Variants in LRIF1 observed in about 807,000 individuals in gnomAD.
LRIF1 encodes ligand-dependent nuclear receptor-interacting factor 1.
Under a neutral mutation model 52.7 loss-of-function variants are expected in LRIF1, and 32 were observed. The observed-to-expected ratio is 0.61, with a 90% CI of 0.46 to 0.82. The LOEUF is 0.82. LRIF1 is among the 40% of genes least tolerant of loss of function. LRIF1 has a pLI of 0.00. For synonymous variants in LRIF1, 323 were observed against 317.4 expected, an observed-to-expected ratio of 1.02 and a Z score of -0.19; for missense variants, 887 against 892.0, an observed-to-expected ratio of 0.99 and a Z score of 0.07.
chr1:110,891,437 A>G, the LRIF1 span: 2 of 1,613,916 alleles, frequency 1.2e-6, no homozygotes, highest in Non-Finnish European at 1.7e-6. Context: ...AAACTGCTGA[A>G]GTATGTCCTG....
chr1:110,956,765 ATGG>A (rs1658716213), intron 1 of LRIF1, among the ~76,000 whole-genome samples: 1 of 152,202 alleles, frequency 6.6e-6, no homozygotes, highest in Non-Finnish European at 1.5e-5. Context: ...GGTGAGCTAG[ATGG>A]TGAACTAAGC....
rs1291542712 is a variant in LRIF1 at position 110,948,253 on chromosome 1, A to C, written c.2016T>G (p.Thr672=). The change falls in exon 4 of 4, where the codon ACT becomes ACG. Residue 672 remains threonine, a synonymous_variant. Coordinates refer to ENST00000369763, the MANE Select transcript of LRIF1 (RefSeq NM_018372.4). ...GAATGTTATGTTGTGACACATCTGA[A>C]GTTGGTAAAATACTGCTTAGGAGTT... ...GSQLLSSILP[T]SDVSQHNILT... 1 of 1,614,068 alleles carries C rather than the reference A, an allele frequency of 6.2e-7. No homozygotes were observed. Among genetic ancestry groups the C allele is most frequent in the East Asian group, 2.2e-5 (1 of 44,862 alleles).
the LRIF1 span, among the ~76,000 whole-genome samples, chr1:110,933,548 G>A: frequency 6.6e-6 from 1 of 152,158 alleles, no homozygotes; most frequent in East Asian, 1.9e-4. Context: ...GCTGAGGAGG[G>A]AGAGCACAGC....
At chr1:110,932,579 G>A in the LRIF1 span, among the ~76,000 whole-genome samples, 3 of 152,172 alleles carry the variant, frequency 2.0e-5, no homozygotes, top group Non-Finnish European at 2.9e-5. Context: ...TGGGCAATAC[G>A]GCCATTTTTA....
intron 1 of LRIF1, among the ~76,000 whole-genome samples, chr1:110,956,109 AAAGT>A (rs1467331759): frequency 6.6e-6 from 1 of 152,208 alleles, no homozygotes; most frequent in Non-Finnish European, 1.5e-5. Context: ...TCATCTGCTA[AAAGT>A]AAGAGCAAAA....
At position 110,950,801 on chromosome 1, in the gene LRIF1, C is replaced by T. The variant is rs183469237; in HGVS notation, c.1596+487G>A. Among the ~76,000 whole-genome samples the T allele has an allele frequency of 1.3e-3, 202 of 151,848 alleles. 1 individual carries two copies. The highest frequency in any genetic ancestry group is 6.8e-3 in the Middle Eastern group (2 of 292). ...AAATTACTGAAAGGTATTGATTAGC[C>T]CTGTCTCACCTTTTCCATGGTATAC... On this transcript the variant is annotated intron_variant, in intron 2 of 3. Transcript: ENST00000369763.
chr1:110,902,804 C>T, the LRIF1 span, among the ~76,000 whole-genome samples: 3 of 152,176 alleles, frequency 2.0e-5, no homozygotes, highest in Admixed American at 2.0e-4. Flanking sequence ...CACAAAAAAC[C>T]ACCTTCGTAT....
At chr1:110,926,041 T>C in the LRIF1 span, among the ~76,000 whole-genome samples, 1 of 152,044 alleles carries the variant, frequency 6.6e-6, no homozygotes, top group African/African-American at 2.4e-5. Flanking sequence ...ATAAATATGA[T>C]GGATGGAAAA....
At chr1:110,953,456 T>C (rs1470597484) in intron 1 of LRIF1, among the ~76,000 whole-genome samples, 1 of 152,198 alleles carries the variant, frequency 6.6e-6, no homozygotes, top group African/African-American at 2.4e-5. Context: ...ATTATTTATA[T>C]TAGTCAATTG....
At position 110,953,494 on chromosome 1, in the gene LRIF1, A is replaced by G. The variant is rs140423945; in HGVS notation, c.69-679T>C. On this transcript the variant is annotated intron_variant, in intron 1 of 3. Coordinates refer to ENST00000369763, the MANE Select transcript of LRIF1 (RefSeq NM_018372.4). ...AATCACCTATCAACCCATACATATA[A>G]TACCACTGCAATTTCAGCTGAATGG... Among the ~76,000 whole-genome samples, 202 of 152,330 alleles carry G rather than the reference A, an allele frequency of 1.3e-3. 1 individual carries two copies. Among genetic ancestry groups the G allele is most frequent in the Middle Eastern group, 6.8e-3 (2 of 294 alleles).
the LRIF1 span, among the ~76,000 whole-genome samples, chr1:110,914,565 C>T: frequency 6.6e-6 from 1 of 152,080 alleles, no homozygotes; most frequent in East Asian, 1.9e-4. Flanking sequence ...ACCAGCCTGA[C>T]CAACGTGGTG....
At chr1:110,958,463 G>GAGTGA (rs1553211555) in intron 1 of LRIF1, among the ~76,000 whole-genome samples, 11 of 152,100 alleles carry the variant, frequency 7.2e-5, no homozygotes, top group Non-Finnish European at 1.5e-5. Context: ...TTTTTAAAAT[G>GAGTGA]AGTATTGTTT....
chr1:110,963,667 C>A lies in LRIF1; in HGVS notation c.22G>T (p.Val8Phe). 6.2e-7 allele frequency: 1 copy of A among 1,609,694 alleles called. No homozygotes were observed. The change falls in exon 1 of 4, where the codon GTC becomes TTC. Residue 8 changes from valine to phenylalanine, a missense_variant. By Grantham distance (50) the Val-to-Phe change is conservative. Transcript: ENST00000369763. Reference protein sequence around the residue: MSNNLRRVFLKPAEENSG... With the variant: MSNNLRRFFLKPAEENSG... The stretch of plus-strand genomic sequence containing the variant: ...TTTTCCTCTGCGGGTTTCAGGAAGA[C>A]CCTCCGTAGGTTATTTGACATTTTA...
Position 110,958,871 on chromosome 1 carries a change from A to C in LRIF1, c.68+4750T>G, listed in dbSNP as rs72973907. On this transcript the variant is annotated intron_variant, in intron 1 of 3. Coordinates refer to ENST00000369763, the MANE Select transcript of LRIF1 (RefSeq NM_018372.4). The stretch of plus-strand genomic sequence containing the variant: ...CAAGGTATAATTTTTTTAAAAATCC[A>C]TGATTTCTTGGCAACAAAATGTAAT... Among the ~76,000 whole-genome samples the C allele has an allele frequency of 3.8e-3, 584 of 152,338 alleles. 5 individuals are homozygous for C. The highest frequency in any genetic ancestry group is 0.01 in the Middle Eastern group (3 of 294).
the LRIF1 span, among the ~76,000 whole-genome samples, chr1:110,931,317 T>C: frequency 6.6e-6 from 1 of 152,180 alleles, no homozygotes; most frequent in East Asian, 1.9e-4. Flanking sequence ...CATGAACTCA[T>C]CCTTTTTCAT....
chr1:110,962,828 CTT>C (rs1659015226), intron 1 of LRIF1, among the ~76,000 whole-genome samples: 1 of 151,996 alleles, frequency 6.6e-6, no homozygotes, highest in African/African-American at 2.4e-5. Flanking sequence ...TTCCTCATCA[CTT>C]AATCTACTAA....
intron 3 of LRIF1, among the ~76,000 whole-genome samples, chr1:110,949,612 G>A (rs1441577838): frequency 1.3e-5 from 2 of 151,614 alleles, no homozygotes; most frequent in Admixed American, 6.6e-5. Context: ...TAGAGACGGG[G>A]TTTCATCATG....
the LRIF1 span, chr1:110,899,138 C>G: frequency 4.3e-6 from 7 of 1,613,776 alleles, no homozygotes; most frequent in East Asian, 1.1e-4. Context: ...TGGGGATGTC[C>G]TTTGCACTGA....
At chr1:110,933,541 G>A in the LRIF1 span, among the ~76,000 whole-genome samples, 1 of 152,190 alleles carries the variant, frequency 6.6e-6, no homozygotes, top group Non-Finnish European at 1.5e-5. Flanking sequence ...TCTGGGTGCT[G>A]AGGAGGGAGA....
Sources: allele counts gnomAD v4.1 joint callset (sites outside exome capture counted in the v4.1 genomes callset), GRCh38; gene constraint gnomAD v4.1.1; transcripts MANE v1.5; gene names NCBI Gene and HGNC (gene_info 2026-07-23, HGNC 2026-07-21).